Variants in ALS2 observed in about 807,000 individuals in gnomAD.
ALS2 encodes alsin.
Under a neutral mutation model 203.4 loss-of-function variants are expected in ALS2, and 117 were observed. That is an observed-to-expected ratio of 0.58 (90% CI 0.50 to 0.67). The LOEUF is 0.67. Among genes scored for constraint, ALS2 ranks in the 30% least tolerant of loss-of-function variants. The pLI, the probability that ALS2 is intolerant of heterozygous loss-of-function variation, is 0.00. For missense variants in ALS2, 1,715 were observed against 1,989.4 expected (o/e 0.86, Z 2.62); for synonymous variants, 718 against 725.9 (o/e 0.99, Z 0.17).
At chr2:201,737,025 C>G (rs1691912677) in intron 12 of ALS2, among the ~76,000 whole-genome samples, 2 of 152,084 alleles carry the variant, frequency 1.3e-5, no homozygotes, top group African/African-American at 4.8e-5. Flanking sequence ...AAACTATGAA[C>G]TTCCAGGAAA....
chr2:201,753,193 G>A lies in ALS2; in HGVS notation c.1690C>T (p.Leu564=). Residue 564 remains leucine, a synonymous_variant, in exon 7 of 34, where the codon CTG becomes TTG. Transcript: ENST00000264276. ...AGAGAATGGTAACCACCTGCCTCCA[G>A]ATGGATTACTTCTTTGCCATCCAGA... ...KCLDGKEVIH[L]EAGGYHSLAL... The A allele has an allele frequency of 6.2e-7, 1 of 1,614,118 alleles. No individual in the cohort carries two copies. Among genetic ancestry groups the A allele is most frequent in the Non-Finnish European group, 8.5e-7 (1 of 1,179,990 alleles).
intron 4 of ALS2, 160 bp downstream of exon 4, chr2:201,760,721 G>C (rs1693709154): frequency 2.1e-6 from 3 of 1,430,598 alleles, no homozygotes; most frequent in Admixed American, 3.0e-5. Context: ...AATTAATCCA[G>C]GTTCTTTCCT....
intron 7 of ALS2, 34 bp downstream of exon 7, chr2:201,753,112 A>T (rs768678889): frequency 6.4e-6 from 10 of 1,552,698 alleles, no homozygotes; most frequent in Non-Finnish European, 8.9e-6. Flanking sequence ...CTTCCATGAA[A>T]ATAAGGTAAA....
chr2:201,710,691 T>A (rs954395131), intron 26 of ALS2, among the ~76,000 whole-genome samples: 5 of 152,190 alleles, frequency 3.3e-5, no homozygotes, highest in Non-Finnish European at 5.9e-5. Context: ...GAGGGCAGCA[T>A]GCTTTACTTA....
intron 17 of ALS2, 36 bp downstream of exon 17, chr2:201,727,176 G>C: frequency 6.5e-7 from 1 of 1,532,216 alleles, no homozygotes; most frequent in Non-Finnish European, 9.0e-7. Flanking sequence ...AAAGAGCCAG[G>C]GCGAAGATTG....
At chr2:201,751,952 T>C (rs1051404835) in intron 7 of ALS2, among the ~76,000 whole-genome samples, 8 of 152,190 alleles carry the variant, frequency 5.3e-5, no homozygotes, top group Non-Finnish European at 1.0e-4. Context: ...TTCTCATATA[T>C]ACTTGAGATT....
intron 23 of ALS2, among the ~76,000 whole-genome samples, chr2:201,721,390 A>C (rs548894126): frequency 6.6e-6 from 1 of 152,354 alleles, no homozygotes; most frequent in South Asian, 2.1e-4. Context: ...TGGAGGACTT[A>C]TATTCCTGAT....
rs546911587 is a variant in ALS2, at chr2:201,749,649, A to C, written c.1815+63T>G. 551 of 1,336,166 alleles carry C rather than the reference A, an allele frequency of 4.1e-4. 1 individual carries two copies. The highest frequency in any genetic ancestry group is 5.6e-4 in the Non-Finnish European group (521 of 927,784). The allele number at this position is 1,336,166 out of a possible 1,614,324, so 82.8% of individuals were successfully genotyped here. A position where few individuals can be genotyped will look rare whatever the true frequency, so the allele number is the denominator to read the frequency against. ...CCCGATATTTTAAAATAAGAAATGG[A>C]GAAGTATAAGGTGTTACAGCTAAGA... On this transcript the variant is annotated intron_variant, in intron 8 of 33. Coordinates refer to ENST00000264276, the MANE Select transcript of ALS2 (RefSeq NM_020919.4).
intron 1 of ALS2, among the ~76,000 whole-genome samples, chr2:201,774,244 C>G (rs1013077685): frequency 1.3e-5 from 2 of 152,022 alleles, no homozygotes; most frequent in African/African-American, 4.8e-5. Context: ...TGGGCAGAGC[C>G]AAAGTCCCAG....
intron 12 of ALS2, among the ~76,000 whole-genome samples, chr2:201,735,628 C>G (rs1037767035): frequency 6.6e-6 from 1 of 152,224 alleles, no homozygotes; most frequent in Non-Finnish European, 1.5e-5. Context: ...GTCATTGCTG[C>G]CTTTAACTAT....
intron 24 of ALS2, among the ~76,000 whole-genome samples, chr2:201,716,270 A>G (rs1313789796): frequency 6.6e-6 from 1 of 151,448 alleles, no homozygotes; most frequent in East Asian, 1.9e-4. Context: ...TTGGCTGGGC[A>G]TGGTGGCTCA....
intron 25 of ALS2, among the ~76,000 whole-genome samples, chr2:201,714,914 A>C (rs1377608431): frequency 3.9e-5 from 6 of 152,100 alleles, no homozygotes; most frequent in Non-Finnish European, 7.4e-5. Context: ...CATCCCCAGT[A>C]TTTTCTGGTT....
chr2:201,729,993 A>G (rs1478354936), intron 13 of ALS2, among the ~76,000 whole-genome samples: 3 of 151,640 alleles, frequency 2.0e-5, no homozygotes, highest in South Asian at 2.1e-4. Context: ...GGACTTTTAT[A>G]TCAGCTTTTG....
At position 201,761,286 on chromosome 2, in the gene ALS2, G is replaced by A; in HGVS notation, c.708C>T (p.Ser236=). 1 of 1,614,094 alleles carries A rather than the reference G, an allele frequency of 6.2e-7. No individual in the cohort carries two copies. Among genetic ancestry groups the A allele is most frequent in the Non-Finnish European group, 8.5e-7 (1 of 1,180,032 alleles). The change falls in exon 4 of 34, where the codon AGC becomes AGT. Residue 236 remains serine (S), a synonymous_variant. Coordinates refer to ENST00000264276, the MANE Select transcript of ALS2 (RefSeq NM_020919.4). ...KPVPERCNQC[S]QLLITMTDKE... is the part of the protein sequence containing the mutation. The stretch of plus-strand genomic sequence containing the variant: ...TGTCAGTCATAGTAATCAAGAGCTG[G>A]CTGCACTGGTTGCATCGTTCTGGGA...
intron 7 of ALS2, among the ~76,000 whole-genome samples, chr2:201,752,131 C>T (rs953903235): frequency 6.6e-6 from 1 of 152,054 alleles, no homozygotes; most frequent in African/African-American, 2.4e-5. Context: ...GGGGACTGTA[C>T]TGAATTTTCA....
At chr2:201,713,071 A>C (rs1377681818) in intron 25 of ALS2, among the ~76,000 whole-genome samples, 1 of 151,062 alleles carries the variant, frequency 6.6e-6, no homozygotes, top group African/African-American at 2.4e-5. Context: ...TAAACTTGAT[A>C]AGTTTTCAAC....
In ALS2 at chr2:201,761,309, GGACTGGCTTCAGAT is replaced by G; in HGVS notation, c.671_684del (p.Asp224AlafsTer16). ...TGGCTGCACTGGTTGCATCGTTCTG[GGACTGGCTTCAGAT>G]CCTGGGAAGGGAGGCATTGTACAAG... On this transcript the variant is annotated frameshift_variant, in exon 4 of 34. Transcript: ENST00000264276. LOFTEE classifies it high-confidence loss of function. 1 of 1,614,046 alleles carries G rather than the reference GGACTGGCTTCAGAT, an allele frequency of 6.2e-7. No homozygotes were observed. Among genetic ancestry groups the G allele is most frequent in the Non-Finnish European group, 8.5e-7 (1 of 1,180,020 alleles).
intron 4 of ALS2, among the ~76,000 whole-genome samples, chr2:201,758,759 C>CGTGT (rs74613232): frequency 0.013 from 1,775 of 132,058 alleles, 25 homozygotes; most frequent in African/African-American, 0.045. Context: ...TGTGTGTGCG[C>CGTGT]ATGTGTGTGT....
chr2:201,743,348 G>A (rs1446525953), intron 10 of ALS2, among the ~76,000 whole-genome samples: 1 of 152,158 alleles, frequency 6.6e-6, no homozygotes, highest in African/African-American at 2.4e-5. Context: ...CAGGTACCCA[G>A]TATATCTGGA....
Sources: allele counts gnomAD v4.1 joint callset (sites outside exome capture counted in the v4.1 genomes callset), GRCh38; gene constraint gnomAD v4.1.1; transcripts MANE v1.5; gene names NCBI Gene and HGNC (gene_info 2026-07-23, HGNC 2026-07-21).